Variants in LRFN5 observed in about 807,000 individuals in gnomAD.
LRFN5 encodes leucine rich repeat and fibronectin type III domain containing 5.
Under a neutral mutation model 45.6 loss-of-function variants are expected in LRFN5, and 24 were observed. The ratio of observed to expected loss-of-function variants is 0.53; its 90% CI spans 0.38 to 0.74. The LOEUF (loss-of-function observed/expected upper bound fraction) is 0.74. LRFN5 is among the 30% of genes least tolerant of loss of function. LRFN5 has a pLI of 0.00. For missense variants in LRFN5, 776 were observed against 861.5 expected, an observed-to-expected ratio of 0.90 and a Z score of 1.24; for synonymous variants, 340 against 313.8, an observed-to-expected ratio of 1.08 and a Z score of -0.88.
intron 1 of LRFN5, among the ~76,000 whole-genome samples, chr14:41,744,692 A>G (rs1884846018): frequency 6.6e-6 from 1 of 152,146 alleles, no homozygotes; most frequent in African/African-American, 2.4e-5. Flanking sequence ...AAATGAAAAT[A>G]TGTAAAAATA....
chr14:41,642,128 A>G (rs1269030733), intron 1 of LRFN5, among the ~76,000 whole-genome samples: 1 of 152,170 alleles, frequency 6.6e-6, no homozygotes, highest in East Asian at 1.9e-4. Context: ...GCTTTAAGAA[A>G]ACATCAAACA....
chr14:41,702,750 C>A lies in LRFN5; in HGVS notation c.-196-64104C>A, dbSNP rs912455524. Among the ~76,000 whole-genome samples the A allele has an allele frequency of 5.3e-5, 8 of 151,752 alleles. No individual in the cohort carries two copies. The South Asian group carries it at 1.2e-3, about 24-fold the overall frequency. ...AAAGCTCTGGGACTATAGACATGAG[C>A]CACTAAACCCAGAATGAATGTGTTT... On this transcript the variant is annotated intron_variant, in intron 1 of 5. Coordinates refer to ENST00000298119, the MANE Select transcript of LRFN5 (RefSeq NM_152447.5).
At chr14:41,839,685 C>G (rs1001552898) in intron 2 of LRFN5, among the ~76,000 whole-genome samples, 1 of 152,126 alleles carries the variant, frequency 6.6e-6, no homozygotes, top group Admixed American at 6.6e-5. Context: ...AGAAAGACAG[C>G]TCAACTCACC....
intron 1 of LRFN5, among the ~76,000 whole-genome samples, chr14:41,623,458 A>C (rs1205228437): frequency 1.3e-5 from 2 of 152,084 alleles, no homozygotes; most frequent in East Asian, 3.9e-4. Flanking sequence ...TGGACTAAAA[A>C]TGTGGGGATT....
At chr14:41,747,045 A>G (rs1301777604) in intron 1 of LRFN5, among the ~76,000 whole-genome samples, 3 of 152,032 alleles carry the variant, frequency 2.0e-5, no homozygotes, top group African/African-American at 7.2e-5. Flanking sequence ...CATTTCTGAA[A>G]TAAATGAAAG....
chr14:41,875,546 G>C (rs113213795), intron 2 of LRFN5, among the ~76,000 whole-genome samples: 15 of 152,186 alleles, frequency 9.9e-5, no homozygotes, highest in African/African-American at 3.6e-4. Flanking sequence ...ACCAATTAAA[G>C]AATACTGAGA....
chr14:41,619,864 AAG>A (rs1450348664), intron 1 of LRFN5, among the ~76,000 whole-genome samples: 1 of 152,034 alleles, frequency 6.6e-6, no homozygotes, highest in African/African-American at 2.4e-5. Context: ...AGCTGTTGTG[AAG>A]AGTCAGTGAA....
chr14:41,607,545 GTGTA>G lies in LRFN5; in HGVS notation c.-1213_-1210del, dbSNP rs1887543188. 2.6e-5 allele frequency: 4 copies of G among 151,646 alleles called. No homozygotes were observed. Among genetic ancestry groups the G allele is most frequent in the Admixed American group, 1.3e-4 (2 of 15,252 alleles). 9.4% of individuals were successfully genotyped at this position (151,646 alleles called of 1,614,324 possible). ...GCTGCGTGTGTGTGTGCGCGCGCGTGTGTACGCGCGCGCCTATCTGATGCATTTG... is the reference window on the plus strand; with the variant it reads ...GCTGCGTGTGTGTGTGCGCGCGCGTGCGCGCGCGCCTATCTGATGCATTTG... On this transcript the variant is annotated 5_prime_UTR_variant, in exon 1 of 6. Transcript: ENST00000298119.
intron 1 of LRFN5, among the ~76,000 whole-genome samples, chr14:41,645,519 C>A (rs1006865073): frequency 2.5e-5 from 2 of 81,280 alleles, no homozygotes; most frequent in Non-Finnish European, 6.0e-5. Flanking sequence ...TGTTTCCCCA[C>A]ATTTTAAGTC....
At chr14:41,762,853 C>A (rs997493460) in intron 1 of LRFN5, among the ~76,000 whole-genome samples, 1 of 152,020 alleles carries the variant, frequency 6.6e-6, no homozygotes, top group Non-Finnish European at 1.5e-5. Context: ...TAGGCCAAAA[C>A]ATCTGGCTGT....
At chr14:41,689,635 T>C (rs1031498531) in intron 1 of LRFN5, among the ~76,000 whole-genome samples, 2 of 151,820 alleles carry the variant, frequency 1.3e-5, no homozygotes, top group Non-Finnish European at 2.9e-5. Flanking sequence ...TGGCTCACGC[T>C]TGTAATCCCA....
At chr14:41,703,150 G>A (rs12323457) in intron 1 of LRFN5, among the ~76,000 whole-genome samples, 35,079 of 151,958 alleles carry the variant, frequency 0.23, 4,282 homozygotes, top group South Asian at 0.38. Flanking sequence ...ATGGAATATC[G>A]TTGTTTAGTT....
chr14:41,858,408 C>G (rs1315754132), intron 2 of LRFN5, among the ~76,000 whole-genome samples: 5 of 152,124 alleles, frequency 3.3e-5, no homozygotes, highest in Non-Finnish European at 5.9e-5. Context: ...CTGATTCTAC[C>G]CATAATACAT....
chr14:41,900,772 G>A (rs1222501071), intron 5 of LRFN5, among the ~76,000 whole-genome samples: 1 of 152,046 alleles, frequency 6.6e-6, no homozygotes, highest in Non-Finnish European at 1.5e-5. Flanking sequence ...GCTATAGCAG[G>A]CCTATGTCTA....
intron 1 of LRFN5, among the ~76,000 whole-genome samples, chr14:41,763,101 G>A (rs758816407): frequency 3.9e-5 from 6 of 152,180 alleles, no homozygotes; most frequent in Non-Finnish European, 7.4e-5. Context: ...CTTAGGGCAG[G>A]TTTAGGAAGA....
chr14:41,740,087 T>C (rs35639608), intron 1 of LRFN5, among the ~76,000 whole-genome samples: 54,282 of 151,966 alleles, frequency 0.36, 10,153 homozygotes, highest in African/African-American at 0.45. Flanking sequence ...GCCCAGGGCA[T>C]GATAGCCTCA....
chr14:41,852,004 G>A (rs564139808), intron 2 of LRFN5, among the ~76,000 whole-genome samples: 11 of 151,510 alleles, frequency 7.3e-5, no homozygotes, highest in Admixed American at 2.0e-4. Context: ...GAGAATCTTT[G>A]TGGAACCCAC....
intron 2 of LRFN5, among the ~76,000 whole-genome samples, chr14:41,779,011 A>G (rs1334545159): frequency 6.6e-6 from 1 of 151,724 alleles, no homozygotes; most frequent in Non-Finnish European, 1.5e-5. Context: ...ATTTCTTATT[A>G]TACTAGTTCA....
chr14:41,778,011 TGG>T (rs71102200), intron 2 of LRFN5, among the ~76,000 whole-genome samples: 44 of 112,652 alleles, frequency 3.9e-4, no homozygotes, highest in African/African-American at 1.2e-3. Flanking sequence ...TTTTTTTTGG[TGG>T]GGGGGGGGGA....
Sources: gnomAD v4.1 joint callset for allele counts (sites outside exome capture counted in the v4.1 genomes callset) on GRCh38, gnomAD v4.1.1 for gene constraint, MANE v1.5 for transcripts, NCBI Gene and HGNC (gene_info 2026-07-23, HGNC 2026-07-21) for gene names.